Variants in DLG2 observed in about 807,000 individuals in gnomAD.
The protein encoded by DLG2 is discs large MAGUK scaffold protein 2, also known as disks large homolog 2.
A neutral mutation model predicts 132.5 loss-of-function variants in DLG2; 45 were observed. The observed-to-expected ratio is 0.34, with a 90% CI of 0.27 to 0.44. DLG2 has a LOEUF of 0.44. Ranked by LOEUF, DLG2 falls within the 20% of genes least tolerant of loss-of-function variation. DLG2 has a pLI of 1.00. For synonymous variants in DLG2, 424 were observed against 419.6 expected (o/e 1.01, Z -0.13); for missense variants, 1,045 against 1,196.9 (o/e 0.87, Z 1.87).
At position 84,799,474 on chromosome 11, in the gene DLG2, A is replaced by G. The variant is rs376215145; in HGVS notation, c.358-264743T>C. 8.5e-4 allele frequency among the ~76,000 whole-genome samples: 130 copies of G among 152,250 alleles called. 1 individual carries two copies. Among genetic ancestry groups the G allele is most frequent in the African/African-American group, 2.9e-3 (120 of 41,550 alleles). On this transcript the variant is annotated intron_variant, in intron 6 of 27. Coordinates refer to ENST00000376104, the MANE Select transcript of DLG2 (RefSeq NM_001142699.3). ...CTTTCAGTAATATAAAATTAAAACC[A>G]GGTATTGTGATTGCTCACCTGATTT...
chr11:84,637,065 G>A (rs2099641883), intron 6 of DLG2, among the ~76,000 whole-genome samples: 1 of 152,192 alleles, frequency 6.6e-6, no homozygotes, highest in East Asian at 1.9e-4. Flanking sequence ...TGGGATTATA[G>A]GTGTGAGCCA....
At chr11:83,515,798 G>A (rs2095270842) in intron 21 of DLG2, among the ~76,000 whole-genome samples, 2 of 152,192 alleles carry the variant, frequency 1.3e-5, no homozygotes, top group Admixed American at 1.3e-4. Context: ...AGTCATTCAG[G>A]AGCAGGTTGT....
At chr11:84,353,410 T>C (rs942831657) in intron 7 of DLG2, among the ~76,000 whole-genome samples, 3 of 152,150 alleles carry the variant, frequency 2.0e-5, no homozygotes, top group Admixed American at 6.6e-5. Context: ...AAACTATACA[T>C]CTGAAAGTCA....
At chr11:83,741,051 CAT>C (rs1337944187) in intron 18 of DLG2, among the ~76,000 whole-genome samples, 3 of 152,138 alleles carry the variant, frequency 2.0e-5, no homozygotes, top group African/African-American at 7.2e-5. Context: ...AGCAAAAAAA[CAT>C]ATGATCATCT....
chr11:85,354,740 C>CTT (rs1358956812), intron 3 of DLG2, among the ~76,000 whole-genome samples: 3 of 151,588 alleles, frequency 2.0e-5, no homozygotes, highest in Non-Finnish European at 1.5e-5. Flanking sequence ...CTCTCTCTCT[C>CTT]TCTCTCACAC....
intron 6 of DLG2, among the ~76,000 whole-genome samples, chr11:84,931,810 T>G (rs188886779): frequency 6.6e-6 from 1 of 152,362 alleles, no homozygotes; most frequent in African/African-American, 2.4e-5. Flanking sequence ...TAATAACTAT[T>G]CTCACCAGTG....
chr11:85,075,030 G>C (rs895862290), intron 6 of DLG2, among the ~76,000 whole-genome samples: 5 of 151,758 alleles, frequency 3.3e-5, no homozygotes, highest in African/African-American at 9.7e-5. Flanking sequence ...AGAGAAAATA[G>C]CAACAGGCAA....
At chr11:84,355,535 G>C (rs2098606269) in intron 7 of DLG2, among the ~76,000 whole-genome samples, 1 of 152,048 alleles carries the variant, frequency 6.6e-6, no homozygotes, top group Admixed American at 6.6e-5. Flanking sequence ...CTGGTAGCTT[G>C]ATCTTGGATT....
At chr11:85,330,791 TTA>T (rs1491124746) in intron 3 of DLG2, among the ~76,000 whole-genome samples, 4 of 69,114 alleles carry the variant, frequency 5.8e-5, no homozygotes, top group East Asian at 7.7e-4. Context: ...AAAAAAAAAA[TTA>T]AAAAAAAAAA....
intron 6 of DLG2, among the ~76,000 whole-genome samples, chr11:84,666,155 G>A (rs982326579): frequency 2.6e-5 from 4 of 152,034 alleles, no homozygotes; most frequent in African/African-American, 7.2e-5. Flanking sequence ...TTTCTGTAAG[G>A]GTGTTTGGGG....
intron 6 of DLG2, among the ~76,000 whole-genome samples, chr11:84,875,026 A>G (rs1371320446): frequency 6.6e-6 from 1 of 151,768 alleles, no homozygotes; most frequent in African/African-American, 2.4e-5. Context: ...TCTCAAAAAA[A>G]AAAAAAAAAA....
intron 4 of DLG2, among the ~76,000 whole-genome samples, chr11:85,191,162 G>GCACACACACA (rs3067460): frequency 0.014 from 1,919 of 139,868 alleles, 17 homozygotes; most frequent in African/African-American, 0.022. Flanking sequence ...GCGCACGCGC[G>GCACACACACA]CACACACACA....
At chr11:84,538,179 G>T (rs979935994) in intron 6 of DLG2, among the ~76,000 whole-genome samples, 1 of 152,172 alleles carries the variant, frequency 6.6e-6, no homozygotes. Flanking sequence ...GCTGGCTGCA[G>T]CTTCTCAGTT....
chr11:85,007,220 C>T (rs1325036835), intron 6 of DLG2, among the ~76,000 whole-genome samples: 1 of 152,056 alleles, frequency 6.6e-6, no homozygotes, highest in African/African-American at 2.4e-5. Flanking sequence ...GAACCTTACC[C>T]ATATGAAGAT....
chr11:84,003,413 C>T (rs2094443715), intron 11 of DLG2, among the ~76,000 whole-genome samples: 1 of 152,132 alleles, frequency 6.6e-6, no homozygotes, highest in African/African-American at 2.4e-5. Context: ...CATTTTCATA[C>T]TGCTATAAAG....
chr11:84,637,602 G>T (rs917005348), intron 6 of DLG2, among the ~76,000 whole-genome samples: 14 of 152,212 alleles, frequency 9.2e-5, no homozygotes, highest in African/African-American at 3.4e-4. Context: ...AGACAAGAGA[G>T]GGAGAAAGAT....
At chr11:84,542,100 C>T (rs1377305011) in intron 6 of DLG2, among the ~76,000 whole-genome samples, 1 of 151,624 alleles carries the variant, frequency 6.6e-6, no homozygotes, top group Non-Finnish European at 1.5e-5. Context: ...CTACTTCCCC[C>T]TTGTAGCAGG....
At chr11:83,472,704 T>A (rs754572978) in intron 23 of DLG2, 23 bp downstream of exon 23, 2 of 1,608,338 alleles carry the variant, frequency 1.2e-6, no homozygotes, top group African/African-American at 1.3e-5. Context: ...AAATTAGGAA[T>A]GAAAGCGTGC....
At chr11:83,668,319 C>G (rs370906443) in intron 18 of DLG2, among the ~76,000 whole-genome samples, 122 of 152,254 alleles carry the variant, frequency 8.0e-4, no homozygotes, top group African/African-American at 2.8e-3. Context: ...GGCTCATCTA[C>G]CACTCTTCTC....
Sources: gnomAD v4.1 joint callset for allele counts (sites outside exome capture counted in the v4.1 genomes callset) on GRCh38, gnomAD v4.1.1 for gene constraint, MANE v1.5 for transcripts, NCBI Gene and HGNC (gene_info 2026-07-23, HGNC 2026-07-21) for gene names.